Variants in SCN2A observed in about 807,000 individuals in gnomAD.
The protein encoded by SCN2A is sodium voltage-gated channel alpha subunit 2.
Under a neutral mutation model 188.7 loss-of-function variants are expected in SCN2A, and 20 were observed. The observed-to-expected ratio is 0.11, with a 90% CI of 0.07 to 0.15. SCN2A has a LOEUF of 0.15. Ranked by LOEUF, SCN2A falls within the 10% of genes least tolerant of loss-of-function variation. The pLI is 1.00. For missense variants in SCN2A, 1,278 were observed against 2,445.0 expected, an observed-to-expected ratio of 0.52 and a Z score of 10.07; for synonymous variants, 804 against 833.1, an observed-to-expected ratio of 0.97 and a Z score of 0.60.
chr2:165,248,678 A>G (rs1693964890), intron 1 of SCN2A, among the ~76,000 whole-genome samples: 1 of 151,780 alleles, frequency 6.6e-6, no homozygotes, highest in South Asian at 2.1e-4. Context: ...ACATCACATT[A>G]TAGCATACTG....
intron 3 of SCN2A, among the ~76,000 whole-genome samples, chr2:165,304,295 A>G (rs1036406535): frequency 6.6e-6 from 1 of 151,960 alleles, no homozygotes; most frequent in African/African-American, 2.4e-5. Context: ...GAGTTTCACC[A>G]TTTTACCCGG....
At chr2:165,338,840 C>A (rs1699154315) in intron 14 of SCN2A, among the ~76,000 whole-genome samples, 1 of 152,080 alleles carries the variant, frequency 6.6e-6, no homozygotes, top group Admixed American at 6.5e-5. Context: ...AAGGATCTGA[C>A]AAAACTCAAC....
At chr2:165,369,959 C>T (rs1475492154) in intron 19 of SCN2A, among the ~76,000 whole-genome samples, 167 bp from the exon 20 acceptor site, 1 of 152,130 alleles carries the variant, frequency 6.6e-6, no homozygotes, top group Non-Finnish European at 1.5e-5. Context: ...GCCCAGTCAG[C>T]AGTCATTTAT....
chr2:165,253,034 T>C (rs906994169), intron 1 of SCN2A, among the ~76,000 whole-genome samples: 1 of 152,096 alleles, frequency 6.6e-6, no homozygotes, highest in South Asian at 2.1e-4. Context: ...AGTTCTGTGT[T>C]GGGTCTCATC....
At chr2:165,341,796 C>A (rs1699335421) in intron 14 of SCN2A, among the ~76,000 whole-genome samples, 1 of 152,214 alleles carries the variant, frequency 6.6e-6, no homozygotes, top group Non-Finnish European at 1.5e-5. Context: ...GAAAATACTG[C>A]TTCCCTTTCG....
intron 2 of SCN2A, 141 bp downstream of exon 2, chr2:165,296,231 T>C: frequency 3.8e-6 from 3 of 796,952 alleles, no homozygotes; most frequent in South Asian, 3.0e-5. Context: ...GACCGTGTAA[T>C]GGACCAATGA....
At chr2:165,246,469 C>A (rs923164163) in intron 1 of SCN2A, among the ~76,000 whole-genome samples, 3 of 152,098 alleles carry the variant, frequency 2.0e-5, no homozygotes, top group African/African-American at 7.2e-5. Context: ...CCTACACCAC[C>A]TTTCTAGCGC....
intron 17 of SCN2A, among the ~76,000 whole-genome samples, chr2:165,355,914 G>A (rs950922527): frequency 2.7e-5 from 4 of 150,732 alleles, no homozygotes; most frequent in Non-Finnish European, 4.4e-5. Flanking sequence ...CAAGAGAATC[G>A]CTTGAACCCA....
In SCN2A at chr2:165,275,803, C is replaced by T. The variant is rs189694090; in HGVS notation, c.-51-19970C>T. ...AGGCTGGAGTGCAGTGGTGTGATCT[C>T]GGCTCACTGCAACCTCCGCCTCCTG... is the stretch of plus-strand genomic sequence containing the variant. On this transcript the variant is annotated intron_variant, in intron 1 of 26. Coordinates refer to ENST00000375437, the MANE Select transcript of SCN2A (RefSeq NM_001040142.2). Among the ~76,000 whole-genome samples the T allele has an allele frequency of 1.1e-4, 16 of 151,276 alleles. No individual in the cohort carries two copies. The South Asian group carries it at 1.5e-3, about 14-fold the overall frequency.
chr2:165,260,153 C>A (rs1574455810), intron 1 of SCN2A, among the ~76,000 whole-genome samples: 2 of 151,994 alleles, frequency 1.3e-5, no homozygotes, highest in Non-Finnish European at 2.9e-5. Flanking sequence ...CCGTGTTAGC[C>A]GGGATGGTCT....
intron 22 of SCN2A, among the ~76,000 whole-genome samples, chr2:165,376,346 GAAAAGCAATT>G (rs1701313136): frequency 2.0e-5 from 3 of 151,306 alleles, no homozygotes; most frequent in Admixed American, 6.6e-5. Flanking sequence ...ATATATTTTT[GAAAAGCAATT>G]AAAATAAAAA....
At chr2:165,343,385 C>CA (rs1163798781) in intron 15 of SCN2A, among the ~76,000 whole-genome samples, 2 of 151,778 alleles carry the variant, frequency 1.3e-5, no homozygotes, top group African/African-American at 2.4e-5. Context: ...TAGAAGGATG[C>CA]AAAAAACAGA....
At chr2:165,327,980 TG>T (rs1165313976) in intron 13 of SCN2A, 4 of 152,130 alleles carry the variant, frequency 2.6e-5, no homozygotes, top group African/African-American at 9.7e-5. Flanking sequence ...CAGGTATGTG[TG>T]TGAGTGTGAG....
chr2:165,361,331 T>A (rs1184163859), intron 17 of SCN2A, among the ~76,000 whole-genome samples: 1 of 152,018 alleles, frequency 6.6e-6, no homozygotes, highest in Non-Finnish European at 1.5e-5. Context: ...TTTTGAAACA[T>A]GGAAATCAAC....
rs1460825477 is a variant in SCN2A at position 165,370,200 on chromosome 2, T to C, written c.3750T>C (p.Thr1250=). ...TAGAATATGCTGACAAGGTTTTCAC[T>C]TACATATTCATTCTGGAAATGCTGC... ...TMLEYADKVF[T]YIFILEMLLK... Residue 1250 remains threonine, a synonymous_variant, in exon 20 of 27, where the codon ACT becomes ACC. Coordinates refer to ENST00000375437, the MANE Select transcript of SCN2A (RefSeq NM_001040142.2). 5 of 1,613,982 alleles carry C rather than the reference T, an allele frequency of 3.1e-6. No homozygotes were observed. The highest frequency in any genetic ancestry group is 3.4e-6 in the Non-Finnish European group (4 of 1,179,970).
intron 1 of SCN2A, among the ~76,000 whole-genome samples, chr2:165,241,414 T>C (rs1693617291): frequency 6.6e-6 from 1 of 152,180 alleles, no homozygotes; most frequent in African/African-American, 2.4e-5. Flanking sequence ...ATAGAAAAGA[T>C]TGTACATATA....
At chr2:165,370,479 T>C in intron 20 of SCN2A, 180 bp downstream of exon 20, 2 of 619,344 alleles carry the variant, frequency 3.2e-6, no homozygotes, top group South Asian at 3.9e-5. Context: ...TACATATACA[T>C]TCATAGATAA....
Position 165,310,414 on chromosome 2 carries a change from G to A in SCN2A, c.789G>A (p.Ala263=), listed in dbSNP as rs775625143. The change falls in exon 7 of 27, where the codon GCG becomes GCA. Residue 263 remains alanine (A), a synonymous_variant. Coordinates refer to ENST00000375437, the MANE Select transcript of SCN2A (RefSeq NM_001040142.2). ...ILTVFCLSVF[A]LIGLQLFMGN... is the part of the protein sequence containing the mutation. ...CTGTGTTCTGTCTAAGCGTGTTTGC[G>A]CTAATAGGATTGCAGTTGTTCATGG... 1.4e-5 allele frequency: 22 copies of A among 1,613,502 alleles called. No homozygotes were observed. The African/African-American group carries it at 2.1e-4, about 16-fold the overall frequency.
At chr2:165,301,809 A>C (rs1296038375) in intron 3 of SCN2A, among the ~76,000 whole-genome samples, 1 of 152,184 alleles carries the variant, frequency 6.6e-6, no homozygotes, top group African/African-American at 2.4e-5. Context: ...ATAGCACCAG[A>C]GTTTAGACCT....
Sources: gnomAD v4.1 joint callset for allele counts (sites outside exome capture counted in the v4.1 genomes callset) on GRCh38, gnomAD v4.1.1 for gene constraint, MANE v1.5 for transcripts, NCBI Gene and HGNC (gene_info 2026-07-23, HGNC 2026-07-21) for gene names.